The following ANK2 variants were observed in gnomAD, a reference collection of about 807,000 sequenced individuals.
ANK2 encodes ankyrin 2.
A neutral mutation model predicts 360.5 loss-of-function variants in ANK2; 83 were observed. The ratio of observed to expected loss-of-function variants is 0.23; its 90% confidence interval spans 0.19 to 0.28. The LOEUF (loss-of-function observed/expected upper bound fraction) is 0.28, where lower values mean the gene tolerates loss of function less well. Ranked by LOEUF, ANK2 falls within the 10% of genes least tolerant of loss-of-function variation. The pLI is 1.00. For synonymous variants in ANK2, 1,740 were observed against 1,759.5 expected, an observed-to-expected ratio of 0.99 and a Z score of 0.28; for missense variants, 4,201 against 4,795.7, an observed-to-expected ratio of 0.88 and a Z score of 3.66.
chr4:113,205,235 C>CAAAAAAAA (rs369993364), intron 4 of ANK2, among the ~76,000 whole-genome samples: 3 of 64,018 alleles, frequency 4.7e-5, no homozygotes, highest in South Asian at 9.2e-4. Context: ...GACTCCGTCT[C>CAAAAAAAA]AAAAAAAAAA....
At chr4:112,906,241 C>T (rs752117003) in intron 2 of ANK2, among the ~76,000 whole-genome samples, 4 of 152,056 alleles carry the variant, frequency 2.6e-5, no homozygotes, top group Non-Finnish European at 5.9e-5. Flanking sequence ...ATGAATGCAT[C>T]AACAAACCAA....
chr4:113,367,880 G>A, intron 42 of ANK2, 29 bp downstream of exon 42: 2 of 1,613,420 alleles, frequency 1.2e-6, no homozygotes, highest in Non-Finnish European at 8.5e-7. Flanking sequence ...CCTGTCAAAT[G>A]TAATACCAAA....
At chr4:112,786,585 C>T in the ANK2 span, among the ~76,000 whole-genome samples, 4 of 151,406 alleles carry the variant, frequency 2.6e-5, no homozygotes, top group South Asian at 2.1e-4. Context: ...TTAGTAGAGA[C>T]GGAGTTTCAC....
intron 23 of ANK2, among the ~76,000 whole-genome samples, chr4:113,306,845 A>C (rs1300074218): frequency 6.6e-6 from 1 of 152,238 alleles, no homozygotes; most frequent in Non-Finnish European, 1.5e-5. Flanking sequence ...CCATGATATA[A>C]ATAACATCCT....
At chr4:112,743,390 A>G in the ANK2 span, among the ~76,000 whole-genome samples, 1 of 152,228 alleles carries the variant, frequency 6.6e-6, no homozygotes, top group East Asian at 1.9e-4. Flanking sequence ...TGTCTTTTAT[A>G]GTTCTCTCCT....
At chr4:113,315,896 C>CAAAAA (rs70961811) in intron 24 of ANK2, among the ~76,000 whole-genome samples, 12 of 49,306 alleles carry the variant, frequency 2.4e-4, no homozygotes, top group East Asian at 6.9e-4. Flanking sequence ...GACTCCGTCT[C>CAAAAA]AAAAAAAAAA....
intron 2 of ANK2, among the ~76,000 whole-genome samples, chr4:112,975,389 A>G (rs2041038389): frequency 6.6e-6 from 1 of 152,224 alleles, no homozygotes; most frequent in South Asian, 2.1e-4. Context: ...CAGATTATCA[A>G]GTATGGTTGA....
At chr4:113,249,922 C>T (rs2153602443) in intron 10 of ANK2, 60 bp downstream of exon 10, 1 of 1,441,078 alleles carries the variant, frequency 6.9e-7, no homozygotes, top group East Asian at 2.3e-5. Flanking sequence ...GATGTATTAT[C>T]TCTATTCTTT....
At chr4:112,838,465 A>G (rs1414770543) in intron 1 of ANK2, among the ~76,000 whole-genome samples, 1 of 152,248 alleles carries the variant, frequency 6.6e-6, no homozygotes, top group Admixed American at 6.5e-5. Flanking sequence ...GAATGCAAAC[A>G]GCACTTCATT....
chr4:113,175,762 G>C (rs945006445), intron 2 of ANK2, among the ~76,000 whole-genome samples: 1 of 152,190 alleles, frequency 6.6e-6, no homozygotes, highest in African/African-American at 2.4e-5. Flanking sequence ...TCACCTGCAG[G>C]CTTTTGCAAA....
the ANK2 span, among the ~76,000 whole-genome samples, chr4:112,724,409 A>G: frequency 6.6e-6 from 1 of 152,168 alleles, no homozygotes; most frequent in Non-Finnish European, 1.5e-5. Context: ...TTTGACAAAT[A>G]TATTTTGGAT....
chr4:112,784,348 TG>T, the ANK2 span, among the ~76,000 whole-genome samples: 1 of 129,728 alleles, frequency 7.7e-6, no homozygotes, highest in Admixed American at 8.9e-5. Context: ...CCACCCTGAC[TG>T]ATTTTTTTTT....
chr4:113,356,543 G>A lies in ANK2; in HGVS notation c.7925G>A (p.Ser2642Asn). ...VDVDEPKHTG[S>N]GEDESGVPVL... ...GTGGATGAACCAAAACATACAGGCAGTGGGGAGGATGAAAGTGGTGTCCCT... is the reference window on the plus strand; with the variant it reads ...GTGGATGAACCAAAACATACAGGCAATGGGGAGGATGAAAGTGGTGTCCCT... The change falls in exon 38 of 46, where the codon AGT becomes AAT. Residue 2642 changes from serine (S) to asparagine (N), a missense_variant. Around this residue, in one of 4 missense-constraint regions of ANK2, gnomAD observed 2,642 missense variants for 2,714.5 expected, o/e 0.97. Transcript: ENST00000357077. 1 of 1,614,138 alleles carries A rather than the reference G, an allele frequency of 6.2e-7. No homozygotes were observed. Among genetic ancestry groups the A allele is most frequent in the South Asian group, 1.1e-5 (1 of 91,082 alleles).
intron 4 of ANK2, among the ~76,000 whole-genome samples, chr4:113,201,896 T>G (rs2098835308): frequency 6.6e-6 from 1 of 152,192 alleles, no homozygotes; most frequent in Admixed American, 6.5e-5. Flanking sequence ...GTTGTATCAT[T>G]ATTAAGACGT....
At chr4:113,113,933 T>C (rs2094528406) in intron 1 of ANK2, among the ~76,000 whole-genome samples, 2 of 152,194 alleles carry the variant, frequency 1.3e-5, no homozygotes, top group Admixed American at 1.3e-4. Flanking sequence ...AATAAGCTAG[T>C]TATAAAGAGG....
chr4:113,367,601 C>T lies in ANK2; in HGVS notation c.11068C>T (p.Gln3690Ter). 6.2e-7 allele frequency: 1 copy of T among 1,613,834 alleles called. No homozygotes were observed. Among genetic ancestry groups the T allele is most frequent in the Non-Finnish European group, 8.5e-7 (1 of 1,179,986 alleles). The change falls in exon 42 of 46, where the codon CAG (glutamine) becomes TAG (stop). Residue 3690 changes from glutamine (Q) to a stop codon, truncating the protein, a stop_gained. Coordinates refer to ENST00000357077, the MANE Select transcript of ANK2 (RefSeq NM_001148.6). LOFTEE classifies it high-confidence loss of function. ...SVLQEELCTA[Q>*]HKQKEEQAVS... ...ACTTCAAGAGGAGTTATGCACTGCA[C>T]AGCACAAGCAGAAAGAGGAGCAAGC...
chr4:113,063,804 T>C (rs912389500), intron 1 of ANK2, among the ~76,000 whole-genome samples: 36 of 152,282 alleles, frequency 2.4e-4, no homozygotes, highest in African/African-American at 8.4e-4. Flanking sequence ...CTCAGGACTA[T>C]TTTTAGTAGA....
chr4:113,352,186 C>A (rs1588867035), intron 37 of ANK2, among the ~76,000 whole-genome samples: 1 of 152,218 alleles, frequency 6.6e-6, no homozygotes, highest in East Asian at 1.9e-4. Context: ...ACTTGGCTTA[C>A]ATAAACTGTG....
intron 1 of ANK2, chr4:113,145,853 G>T: frequency 7.8e-7 from 1 of 1,289,556 alleles, no homozygotes; most frequent in Non-Finnish European, 1.0e-6. Flanking sequence ...CTGACAGCAG[G>T]AACTGTAGAG....
Sources: allele counts gnomAD v4.1 joint callset (sites outside exome capture counted in the v4.1 genomes callset), GRCh38; gene constraint gnomAD v4.1.1; regional missense constraint gnomAD v4.1.1; transcripts MANE v1.5; gene names NCBI Gene and HGNC (gene_info 2026-07-23, HGNC 2026-07-21).